The following PRICKLE2 variants were observed in gnomAD, a reference collection of about 807,000 sequenced individuals.
The protein encoded by PRICKLE2 is prickle planar cell polarity protein 2.
A neutral mutation model predicts 81.4 loss-of-function variants in PRICKLE2; 21 were observed. The observed-to-expected ratio is 0.26, with a 90% CI of 0.18 to 0.37. The LOEUF (loss-of-function observed/expected upper bound fraction) is 0.37, where lower values mean the gene tolerates loss of function less well. PRICKLE2 is among the 10% of genes least tolerant of loss of function. PRICKLE2 has a pLI of 1.00. For synonymous variants in PRICKLE2, 456 were observed against 421.5 expected (o/e 1.08, Z -1.00); for missense variants, 940 against 1,109.0 (o/e 0.85, Z 2.16).
At chr3:64,161,665 A>G (rs2077735921) in intron 3 of PRICKLE2, among the ~76,000 whole-genome samples, 1 of 150,308 alleles carries the variant, frequency 6.7e-6, no homozygotes, top group South Asian at 2.1e-4. Flanking sequence ...ACAACAAACC[A>G]CTAAAATCAG....
chr3:64,252,439 A>G lies in PRICKLE2; in HGVS notation c.129-53472T>C, dbSNP rs1405574803. On this transcript the variant is annotated intron_variant, in intron 2 of 8. Coordinates refer to the PRICKLE2 transcript ENST00000295902. The stretch of plus-strand genomic sequence containing the variant: ...AACTGTTGGAGAAAATTGAACATAA[A>G]ATTGGAAGCTCTCAGCCGATGCAGT... 2.0e-5 allele frequency among the ~76,000 whole-genome samples: 3 copies of G among 152,162 alleles called. No homozygotes were observed. In the East Asian group the frequency reaches 5.8e-4, roughly 29 times the overall value.
chr3:64,223,764 G>A (rs1413632120), intron 1 of PRICKLE2, among the ~76,000 whole-genome samples: 1 of 152,110 alleles, frequency 6.6e-6, no homozygotes, highest in Non-Finnish European at 1.5e-5. Context: ...GAGCCCTTGG[G>A]GACCCTCATC....
intron 2 of PRICKLE2, among the ~76,000 whole-genome samples, chr3:64,197,367 G>C (rs1289538021): frequency 6.6e-6 from 1 of 152,016 alleles, no homozygotes; most frequent in Non-Finnish European, 1.5e-5. Context: ...ACTCATTTAC[G>C]CTCCCACCAA....
intron 7 of PRICKLE2, 123 bp from the exon 8 acceptor site, chr3:64,100,048 G>A: frequency 3.7e-6 from 4 of 1,070,648 alleles, no homozygotes; most frequent in South Asian, 1.4e-5. Flanking sequence ...ACTGCACAAA[G>A]GCCCTCTCAG....
intron 7 of PRICKLE2, among the ~76,000 whole-genome samples, chr3:64,135,685 G>C (rs921662767): frequency 8.5e-6 from 1 of 118,102 alleles, no homozygotes; most frequent in Non-Finnish European, 1.7e-5. Flanking sequence ...GACGAGGAAC[G>C]ATCACAGATC....
chr3:64,249,336 C>T (rs1458209413), intron 2 of PRICKLE2, among the ~76,000 whole-genome samples: 1 of 152,176 alleles, frequency 6.6e-6, no homozygotes, highest in Non-Finnish European at 1.5e-5. Context: ...GGGAAATCTG[C>T]CTCCATGATC....
chr3:64,248,088 T>C (rs1412222073), intron 2 of PRICKLE2, among the ~76,000 whole-genome samples: 1 of 152,214 alleles, frequency 6.6e-6, no homozygotes, highest in African/African-American at 2.4e-5. Context: ...CAGGAGTAAG[T>C]TGAACACATT....
upstream of PRICKLE2, among the ~76,000 whole-genome samples, chr3:64,229,167 A>G (rs2079068351): frequency 6.6e-6 from 1 of 152,240 alleles, no homozygotes; most frequent in African/African-American, 2.4e-5. Context: ...AGACATCTGC[A>G]TGGACACAAG....
intron 1 of PRICKLE2, among the ~76,000 whole-genome samples, chr3:64,224,539 C>T (rs2079004070): frequency 6.6e-6 from 1 of 152,204 alleles, no homozygotes; most frequent in South Asian, 2.1e-4. Flanking sequence ...TGGTTTCTGA[C>T]ATCATGTGTT....
chr3:64,184,361 C>T (rs571060519), intron 2 of PRICKLE2, among the ~76,000 whole-genome samples: 4 of 152,334 alleles, frequency 2.6e-5, no homozygotes, highest in African/African-American at 7.2e-5. Context: ...GTCCCAGCTG[C>T]GTCTGATACC....
chr3:64,193,719 C>A (rs1056989836), intron 2 of PRICKLE2, among the ~76,000 whole-genome samples: 3 of 152,130 alleles, frequency 2.0e-5, no homozygotes, highest in African/African-American at 7.2e-5. Flanking sequence ...ATCATTGGGG[C>A]AGGTCTTTCC....
At chr3:64,183,424 T>G (rs1425749132) in intron 2 of PRICKLE2, among the ~76,000 whole-genome samples, 1 of 152,018 alleles carries the variant, frequency 6.6e-6, no homozygotes. Flanking sequence ...GAATAATCTA[T>G]CAAAACTATA....
chr3:64,129,758 G>A (rs2077171399), intron 7 of PRICKLE2, among the ~76,000 whole-genome samples: 1 of 151,996 alleles, frequency 6.6e-6, no homozygotes, highest in South Asian at 2.1e-4. Context: ...TATTAGTCAA[G>A]GGCTGTGTCC....
At chr3:64,167,696 G>A (rs1461033956) in intron 2 of PRICKLE2, among the ~76,000 whole-genome samples, 2 of 152,206 alleles carry the variant, frequency 1.3e-5, no homozygotes, top group Non-Finnish European at 2.9e-5. Context: ...CTGCATTTGG[G>A]AGAAAAGTGT....
At chr3:64,159,486 G>T (rs965402345) in intron 4 of PRICKLE2, among the ~76,000 whole-genome samples, 33 of 152,058 alleles carry the variant, frequency 2.2e-4, no homozygotes, top group African/African-American at 8.0e-4. Flanking sequence ...CACTCCCTCT[G>T]CCCCAGCCCA....
intron 2 of PRICKLE2, among the ~76,000 whole-genome samples, chr3:64,180,177 ATT>A (rs2078103504): frequency 6.6e-6 from 1 of 152,142 alleles, no homozygotes. Context: ...GGCTTGGTGA[ATT>A]TGTTTCCCCT....
intron 2 of PRICKLE2, among the ~76,000 whole-genome samples, chr3:64,181,414 C>T (rs1446070220): frequency 6.6e-6 from 1 of 152,190 alleles, no homozygotes; most frequent in Admixed American, 6.5e-5. Flanking sequence ...TCACAGTCTT[C>T]ATCCAAAACT....
chr3:64,220,198 T>G (rs559757785), intron 1 of PRICKLE2, among the ~76,000 whole-genome samples: 22 of 152,198 alleles, frequency 1.4e-4, no homozygotes, highest in African/African-American at 5.3e-4. Context: ...GACTCATAAC[T>G]GATGAATGGA....
At chr3:64,120,207 A>C (rs1198606327) in intron 7 of PRICKLE2, among the ~76,000 whole-genome samples, 3 of 152,218 alleles carry the variant, frequency 2.0e-5, no homozygotes, top group Admixed American at 2.0e-4. Flanking sequence ...TCTAAAATAA[A>C]AGTTGAAATT....
Sources: allele counts gnomAD v4.1 joint callset (sites outside exome capture counted in the v4.1 genomes callset), GRCh38; gene constraint gnomAD v4.1.1; transcripts MANE v1.5; gene names NCBI Gene and HGNC (gene_info 2026-07-23, HGNC 2026-07-21).